SFMBT2: variants seen among roughly 807,000 people sequenced by gnomAD.
The protein encoded by SFMBT2 is scm-like with four MBT domains protein 2.
In SFMBT2, 38 loss-of-function variants were observed where a neutral mutation model predicts 110.1. That is an observed-to-expected ratio of 0.35 (90% CI 0.27 to 0.45). SFMBT2 has a LOEUF of 0.45. SFMBT2 is among the 20% of genes least tolerant of loss of function. The pLI, the probability that SFMBT2 is intolerant of heterozygous loss-of-function variation, is 1.00. For missense variants in SFMBT2, 1,011 were observed against 1,094.9 expected (o/e 0.92, Z 1.08); for synonymous variants, 425 against 425.4 (o/e 1.00, Z 0.01).
chr10:7,375,212 AG>A (rs1382647025), intron 2 of SFMBT2, among the ~76,000 whole-genome samples: 4 of 152,266 alleles, frequency 2.6e-5, no homozygotes, highest in African/African-American at 9.6e-5. Context: ...AAACATAAAA[AG>A]AATACCTCAC....
In SFMBT2 at chr10:7,162,742, T is replaced by C. The variant is rs886064309; in HGVS notation, c.*1028A>G. The C allele has an allele frequency of 1.3e-5, 2 of 152,158 alleles. No individual in the cohort carries two copies. The highest frequency in any genetic ancestry group is 2.9e-5 in the Non-Finnish European group (2 of 68,036). 9.4% of individuals were successfully genotyped at this position (152,158 alleles called of 1,614,324 possible). A position where few individuals can be genotyped will look rare whatever the true frequency, so the allele number is the denominator to read the frequency against. On this transcript the variant is annotated 3_prime_UTR_variant, in exon 21 of 21. Transcript: ENST00000397167. ...TACGATTAAACAACAACACTGGAGA[T>C]AGTTGAGGGTCTAGAAAAGACTGGG...
At chr10:7,352,145 C>A (rs940421163) in intron 4 of SFMBT2, among the ~76,000 whole-genome samples, 1 of 152,186 alleles carries the variant, frequency 6.6e-6, no homozygotes, top group East Asian at 1.9e-4. Context: ...GAGCCACTTA[C>A]TAGACATAAC....
intron 1 of SFMBT2, among the ~76,000 whole-genome samples, chr10:7,394,092 C>T (rs1368048006): frequency 6.6e-6 from 1 of 151,960 alleles, no homozygotes; most frequent in African/African-American, 2.4e-5. Context: ...CTCCGCCTCC[C>T]GGGTTCAAGA....
At chr10:7,186,481 T>TATATATATATATAAA (rs1554782979) in intron 16 of SFMBT2, among the ~76,000 whole-genome samples, 1 of 149,426 alleles carries the variant, frequency 6.7e-6, no homozygotes, top group African/African-American at 2.5e-5. Flanking sequence ...TATAAAAATA[T>TATATATATATATAAA]TTTATTTGTT....
intron 17 of SFMBT2, among the ~76,000 whole-genome samples, chr10:7,173,848 G>A (rs183084359): frequency 4.6e-5 from 7 of 152,284 alleles, no homozygotes; most frequent in South Asian, 4.1e-4. Context: ...CAGCAGCCCC[G>A]TTGCAGGGAG....
At chr10:7,216,884 G>A (rs894665668) in intron 11 of SFMBT2, among the ~76,000 whole-genome samples, 8 of 152,154 alleles carry the variant, frequency 5.3e-5, no homozygotes, top group Admixed American at 1.3e-4. Flanking sequence ...CAAGGAAGCC[G>A]AGGAATCAGG....
At chr10:7,286,529 T>C (rs1220519300) in intron 4 of SFMBT2, 2 of 168,314 alleles carry the variant, frequency 1.2e-5, no homozygotes, top group African/African-American at 2.4e-5. Context: ...CAAAAATATA[T>C]GAAATAAAAT....
rs145645333 is a variant in SFMBT2 at position 7,296,648 on chromosome 10, T to C, written c.437-10694A>G. Among the ~76,000 whole-genome samples the C allele has an allele frequency of 4.0e-3, 606 of 152,376 alleles. 2 individuals are homozygous for C. The highest frequency in any genetic ancestry group is 0.013 in the African/African-American group (553 of 41,590). ...AGTTGGCCTCTTGTTCAACAGTATT[T>C]AGGTTGCTGTCTGTGATGGTTAATT... On this transcript the variant is annotated intron_variant, in intron 4 of 20. Coordinates refer to ENST00000397167, the MANE Select transcript of SFMBT2 (RefSeq NM_001387889.1).
chr10:7,174,704 G>A (rs896352711), intron 17 of SFMBT2, among the ~76,000 whole-genome samples: 15 of 152,216 alleles, frequency 9.9e-5, no homozygotes, highest in African/African-American at 3.1e-4. Flanking sequence ...ACCGTACACG[G>A]CAAAGGCGAG....
chr10:7,326,333 T>C (rs1275344129), intron 4 of SFMBT2, among the ~76,000 whole-genome samples: 2 of 152,260 alleles, frequency 1.3e-5, no homozygotes, highest in Admixed American at 6.5e-5. Context: ...GGAACAATTA[T>C]TCATTGTATG....
At chr10:7,197,147 G>A (rs1003307869) in intron 15 of SFMBT2, among the ~76,000 whole-genome samples, 4 of 152,100 alleles carry the variant, frequency 2.6e-5, no homozygotes, top group South Asian at 2.1e-4. Flanking sequence ...CGCCATTCTC[G>A]GTGATTAACA....
Position 7,173,041 on chromosome 10 carries a change from GGT to G in SFMBT2, c.1985-382_1985-381del, listed in dbSNP as rs1837938543. 7.2e-5 allele frequency among the ~76,000 whole-genome samples: 11 copies of G among 152,274 alleles called. No homozygotes were observed. In the South Asian group the frequency reaches 2.3e-3, roughly 32 times the overall value. ...AAGGAGAGGCCCCATGAGGACACAG[GGT>G]GCAGGTGGCTGCCTGAGGCCCAGGA... On this transcript the variant is annotated intron_variant, in intron 17 of 20. Coordinates refer to ENST00000397167, the MANE Select transcript of SFMBT2 (RefSeq NM_001387889.1).
Position 7,195,596 on chromosome 10 carries a change from C to T in SFMBT2, c.1698+1952G>A, listed in dbSNP as rs937251328. Among the ~76,000 whole-genome samples, 7 of 152,304 alleles carry T rather than the reference C, an allele frequency of 4.6e-5. No homozygotes were observed. In the South Asian group the frequency reaches 1.5e-3, roughly 32 times the overall value. ...CACGAACAAGGGCCCTTTCTGGGTC[C>T]ATCCCTTGCAGTCTGCACATTTCAG... is the stretch of plus-strand genomic sequence containing the variant. On this transcript the variant is annotated intron_variant, in intron 15 of 20. Transcript: ENST00000397167.
intron 4 of SFMBT2, among the ~76,000 whole-genome samples, chr10:7,357,186 T>C (rs991881693): frequency 6.6e-6 from 1 of 152,146 alleles, no homozygotes; most frequent in Non-Finnish European, 1.5e-5. Flanking sequence ...GGAGAGCAAG[T>C]GGGCGATTCA....
At chr10:7,221,628 CTTGTGGTTTTATTTGAAACTATCTTTATT>C (rs1839743091) in intron 10 of SFMBT2, among the ~76,000 whole-genome samples, 1 of 149,436 alleles carries the variant, frequency 6.7e-6, no homozygotes, top group Admixed American at 6.6e-5. Context: ...ATGATGAATT[CTTGTGGTTTTATTTGAAACTATCTTTATT>C]TTCCCTTGTT....
intron 6 of SFMBT2, among the ~76,000 whole-genome samples, 199 bp downstream of exon 6, chr10:7,283,705 T>C (rs929127148): frequency 5.3e-5 from 8 of 152,244 alleles, no homozygotes; most frequent in Admixed American, 1.3e-4. Flanking sequence ...CTAACATTGC[T>C]TTCTCCTTTG....
intron 1 of SFMBT2, among the ~76,000 whole-genome samples, chr10:7,401,223 T>C (rs1322064628): frequency 6.6e-6 from 1 of 152,220 alleles, no homozygotes; most frequent in African/African-American, 2.4e-5. Context: ...ACTTGGGACC[T>C]TAAAAGGCTC....
At chr10:7,195,748 C>T (rs926607378) in intron 15 of SFMBT2, among the ~76,000 whole-genome samples, 4 of 152,178 alleles carry the variant, frequency 2.6e-5, no homozygotes, top group African/African-American at 9.7e-5. Flanking sequence ...ATTGCAGATG[C>T]CTCCGGTGTG....
At chr10:7,314,960 A>AAGAG (rs771791946) in intron 4 of SFMBT2, among the ~76,000 whole-genome samples, 2 of 148,368 alleles carry the variant, frequency 1.3e-5, no homozygotes, top group African/African-American at 2.5e-5. Flanking sequence ...AGAGAAAGAA[A>AAGAG]AGAGAGAGAG....
Sources: gnomAD v4.1 joint callset for allele counts (sites outside exome capture counted in the v4.1 genomes callset) on GRCh38, gnomAD v4.1.1 for gene constraint, MANE v1.5 for transcripts, NCBI Gene and HGNC (gene_info 2026-07-23, HGNC 2026-07-21) for gene names.